SRGAP3: variants seen among roughly 807,000 people sequenced by gnomAD.
The protein encoded by SRGAP3 is SLIT-ROBO Rho GTPase-activating protein 3.
SRGAP3 carries 39 observed loss-of-function variants against 121.1 expected under a neutral mutation model. The observed-to-expected ratio is 0.32, with a 90% CI of 0.25 to 0.42. The LOEUF is 0.42. Among genes scored for constraint, SRGAP3 ranks in the 10% least tolerant of loss-of-function variants. The probability of loss-of-function intolerance (pLI) is 1.00; values close to 1 mark genes in which losing one functional copy is unlikely to be tolerated. For synonymous variants in SRGAP3, 601 were observed against 570.0 expected, an observed-to-expected ratio of 1.05 and a Z score of -0.77; for missense variants, 1,213 against 1,470.6, an observed-to-expected ratio of 0.82 and a Z score of 2.86.
At chr3:9,249,924 T>C (rs564818809), upstream of SRGAP3, among the ~76,000 whole-genome samples, 3 of 152,216 alleles carry the variant, frequency 2.0e-5, no homozygotes, top group Non-Finnish European at 4.4e-5. Context: ...CTGTGCAATT[T>C]AATTCAGTTT....
chr3:9,190,915 G>A (rs1951733982), intron 1 of SRGAP3, among the ~76,000 whole-genome samples: 2 of 152,156 alleles, frequency 1.3e-5, no homozygotes, highest in South Asian at 2.1e-4. Flanking sequence ...TTTGTTCCAC[G>A]ACCTTGGCCT....
intron 3 of SRGAP3, among the ~76,000 whole-genome samples, chr3:9,321,404 T>A (rs1955436591): frequency 6.6e-6 from 1 of 151,930 alleles, no homozygotes; most frequent in African/African-American, 2.4e-5. Flanking sequence ...TAGCAATAGA[T>A]AACTAATACA....
At chr3:9,108,068 T>G (rs1022779607) in intron 2 of SRGAP3, among the ~76,000 whole-genome samples, 7 of 152,164 alleles carry the variant, frequency 4.6e-5, no homozygotes, top group Non-Finnish European at 8.8e-5. Context: ...AGTGGAGGAC[T>G]GTAGGACATG....
rs765408588 is a variant in SRGAP3 at position 9,262,534 on chromosome 3, C to CAAAAAA, written n.442+63470_442+63475dup. Among the ~76,000 whole-genome samples the CAAAAAA allele has an allele frequency of 2.7e-3, 70 of 25,562 alleles. 4 individuals are homozygous for CAAAAAA. Among genetic ancestry groups the CAAAAAA allele is most frequent in the African/African-American group, 4.6e-3 (36 of 7,884 alleles). The allele number at this position is 25,562 out of a possible 152,430, so 16.8% of individuals were successfully genotyped here. On this transcript the variant is annotated intron_variant and non_coding_transcript_variant, in intron 3 of 3. Transcript: ENST00000490889. ...GAAGATTTACCAAGCAAATGGAAAGCAAAAAAAAAAAAAAAAAAAAAAGCA... is the reference window on the plus strand; with the variant it reads ...GAAGATTTACCAAGCAAATGGAAAGCAAAAAAAAAAAAAAAAAAAAAAAAAAAAGCA...
chr3:9,341,998 T>C (rs1955795214), intron 1 of SRGAP3, among the ~76,000 whole-genome samples: 1 of 152,194 alleles, frequency 6.6e-6, no homozygotes, highest in South Asian at 2.1e-4. Context: ...CAGGCTTTAC[T>C]AACACTTTGC....
At chr3:9,274,787 C>G (rs1954540425) in intron 3 of SRGAP3, among the ~76,000 whole-genome samples, 1 of 152,114 alleles carries the variant, frequency 6.6e-6, no homozygotes, top group Non-Finnish European at 1.5e-5. Flanking sequence ...GAAATCTGGC[C>G]ATTCCCAGCT....
Position 9,193,121 on chromosome 3 carries a change from G to A in SRGAP3, c.67+55764C>T, listed in dbSNP as rs552962845. The A allele has an allele frequency of 2.6e-5, 4 of 152,326 alleles. No individual in the cohort carries two copies. The East Asian group carries it at 7.7e-4, about 29-fold the overall frequency. 9.4% of individuals were successfully genotyped at this position (152,326 alleles called of 1,614,324 possible). On this transcript the variant is annotated intron_variant, in intron 1 of 21. Transcript: ENST00000383836. ...CTGTGGGGTGAGGGAGACAAGTCAAGGACGACTCCCAGATTTCTGGCCTGG... is the reference window on the plus strand; with the variant it reads ...CTGTGGGGTGAGGGAGACAAGTCAAAGACGACTCCCAGATTTCTGGCCTGG...
At chr3:9,027,141 G>C in intron 12 of SRGAP3, 146 bp from the exon 13 acceptor site, 1 of 780,810 alleles carries the variant, frequency 1.3e-6, no homozygotes, top group Non-Finnish European at 2.3e-6. Flanking sequence ...TAATCCTAAA[G>C]TCTCCACGGA....
rs558595421 is a variant in SRGAP3 at position 8,980,618 on chromosome 3, C to T, written c.*4901G>A. The T allele has an allele frequency of 4.2e-4, 95 of 228,052 alleles. No individual in the cohort carries two copies. The highest frequency in any genetic ancestry group is 7.2e-4 in the Non-Finnish European group (82 of 114,492). 14.1% of individuals were successfully genotyped at this position (228,052 alleles called of 1,614,324 possible). On this transcript the variant is annotated 3_prime_UTR_variant, in exon 22 of 22. Coordinates refer to ENST00000383836, the MANE Select transcript of SRGAP3 (RefSeq NM_014850.4). Reference sequence around the variant, plus strand: ...TGAGAAAAGTTAAGCTGTTTTATTTCACAGGATAGCTCCACGTCAAACCAG... The same window carrying T: ...TGAGAAAAGTTAAGCTGTTTTATTTTACAGGATAGCTCCACGTCAAACCAG...
At chr3:9,222,681 TC>T (rs1952853490) in intron 1 of SRGAP3, among the ~76,000 whole-genome samples, 1 of 152,246 alleles carries the variant, frequency 6.6e-6, no homozygotes, top group Non-Finnish European at 1.5e-5. Flanking sequence ...GGCTAACTTA[TC>T]CATCAACCAC....
intron 1 of SRGAP3, among the ~76,000 whole-genome samples, chr3:9,187,728 C>A (rs751762421): frequency 7.9e-5 from 12 of 152,208 alleles, no homozygotes; most frequent in African/African-American, 1.2e-4. Context: ...TCCCTCACAA[C>A]CTCTTCAATC....
intron 4 of SRGAP3, among the ~76,000 whole-genome samples, chr3:9,070,648 T>G (rs942636221): frequency 6.6e-6 from 1 of 151,736 alleles, no homozygotes; most frequent in Admixed American, 6.6e-5. Flanking sequence ...GATGGGTAGA[T>G]AGATGGGAGA....
At chr3:9,310,882 A>ATTATT (rs1324534387) in intron 3 of SRGAP3, among the ~76,000 whole-genome samples, 1 of 152,122 alleles carries the variant, frequency 6.6e-6, no homozygotes, top group Non-Finnish European at 1.5e-5. Flanking sequence ...AATAATATAT[A>ATTATT]CAGTCGGCCA....
intron 3 of SRGAP3, among the ~76,000 whole-genome samples, chr3:9,275,067 T>C (rs1954546720): frequency 6.6e-6 from 1 of 152,204 alleles, no homozygotes; most frequent in Non-Finnish European, 1.5e-5. Context: ...GGACCTGCCC[T>C]CTTCTGCCCA....
At position 9,239,216 on chromosome 3, in the gene SRGAP3, C is replaced by T. The variant is rs1192046326; in HGVS notation, c.67+9669G>A. Reference sequence around the variant, plus strand: ...CCAACATGGTGATACCCTGTCTCTACTAAAAATACAAAAATTAGCTGGACG... The same window carrying T: ...CCAACATGGTGATACCCTGTCTCTATTAAAAATACAAAAATTAGCTGGACG... On this transcript the variant is annotated intron_variant, in intron 1 of 21. Transcript: ENST00000383836. The surrounding 1 kb of genome is among the most constrained non-coding windows in gnomAD (Gnocchi z 4.0). Among the ~76,000 whole-genome samples the T allele has an allele frequency of 6.6e-6, 1 of 152,066 alleles. No individual in the cohort carries two copies. The highest frequency in any genetic ancestry group is 1.5e-5 in the Non-Finnish European group (1 of 68,014).
chr3:9,177,930 C>A (rs1951239028), intron 1 of SRGAP3, among the ~76,000 whole-genome samples: 1 of 152,198 alleles, frequency 6.6e-6, no homozygotes, highest in Non-Finnish European at 1.5e-5. Context: ...TCTGCAGGAA[C>A]TACTAGGAGC....
intron 3 of SRGAP3, among the ~76,000 whole-genome samples, chr3:9,311,997 G>C (rs1955256331): frequency 6.6e-6 from 1 of 152,190 alleles, no homozygotes; most frequent in Non-Finnish European, 1.5e-5. Flanking sequence ...AGCTGGACTA[G>C]TAAATGAAAG....
intron 1 of SRGAP3, among the ~76,000 whole-genome samples, chr3:9,160,415 G>A (rs1560301139): frequency 6.6e-6 from 1 of 152,196 alleles, no homozygotes. Flanking sequence ...CTGGAAGCCA[G>A]CTGCCATGCT....
At chr3:9,346,805 A>C (rs2125292649) in intron 1 of SRGAP3, among the ~76,000 whole-genome samples, 1 of 148,276 alleles carries the variant, frequency 6.7e-6, no homozygotes, top group South Asian at 2.1e-4. Flanking sequence ...CCTGAGGCTG[A>C]AGTGCAATGG....
Sources: gnomAD v4.1 joint callset for allele counts (sites outside exome capture counted in the v4.1 genomes callset) on GRCh38, gnomAD v4.1.1 for gene constraint, Gnocchi (gnomAD v3.1) non-coding constraint, MANE v1.5 for transcripts, NCBI Gene and HGNC (gene_info 2026-07-23, HGNC 2026-07-21) for gene names.